Variants in GLI2 observed in about 807,000 individuals in gnomAD.
GLI2 encodes GLI family zinc finger 2.
GLI2 carries 22 observed loss-of-function variants against 78.9 expected under a neutral mutation model. The ratio of observed to expected loss-of-function variants is 0.28; its 90% CI spans 0.20 to 0.40. The LOEUF is 0.40. Ranked by LOEUF, GLI2 falls within the 10% of genes least tolerant of loss-of-function variation. GLI2 has a pLI of 1.00. For missense variants in GLI2, 2,097 were observed against 2,213.2 expected (o/e 0.95, Z 1.05); for synonymous variants, 974 against 963.7 (o/e 1.01, Z -0.20).
At chr2:120,744,323 G>C (rs1682637958) in intron 1 of GLI2, among the ~76,000 whole-genome samples, 1 of 152,228 alleles carries the variant, frequency 6.6e-6, no homozygotes, top group South Asian at 2.1e-4. Context: ...GGCCCTCGCT[G>C]TCTGTGGAGA....
At chr2:120,747,041 T>C (rs1027174427) in intron 1 of GLI2, among the ~76,000 whole-genome samples, 1 of 152,252 alleles carries the variant, frequency 6.6e-6, no homozygotes, top group Non-Finnish European at 1.5e-5. Context: ...TTTGTTATTA[T>C]AGATAATACT....
At position 120,990,749 on chromosome 2, in the gene GLI2, TG is replaced by T; in HGVS notation, c.*75del. The T allele has an allele frequency of 7.5e-7, 1 of 1,326,830 alleles. No homozygotes were observed. The allele number at this position is 1,326,830 out of a possible 1,614,324, so 82.2% of individuals were successfully genotyped here. A position where few individuals can be genotyped will look rare whatever the true frequency, so the allele number is the denominator to read the frequency against. Reference sequence around the variant, plus strand: ...CAGAGCCTGGGGATTCCAGCTGTCTTGTCTTTTTCCAAAAAAGTGTTAAATA... The same window carrying T: ...CAGAGCCTGGGGATTCCAGCTGTCTTTCTTTTTCCAAAAAAGTGTTAAATA... On this transcript the variant is annotated 3_prime_UTR_variant, in exon 14 of 14. Transcript: ENST00000361492.
In GLI2 at chr2:120,984,795, CA is replaced by C. The variant is rs756023305; in HGVS notation, c.1905+53del. On this transcript the variant is annotated intron_variant, in intron 12 of 13. Coordinates refer to ENST00000361492, the MANE Select transcript of GLI2 (RefSeq NM_001374353.1). ...CGCAAGGCGACTCCATAGCCGTGCCCAGGGCCACCCCTTGCCACGGTTGCGG... is the reference window on the plus strand; with the variant it reads ...CGCAAGGCGACTCCATAGCCGTGCCCGGGCCACCCCTTGCCACGGTTGCGG... 9 of 1,588,244 alleles carry C rather than the reference CA, an allele frequency of 5.7e-6. No individual in the cohort carries two copies. The Admixed American group carries it at 1.5e-4, about 27-fold the overall frequency.
intron 3 of GLI2, among the ~76,000 whole-genome samples, chr2:120,928,836 A>G (rs927503792): frequency 3.9e-5 from 6 of 152,256 alleles, no homozygotes; most frequent in African/African-American, 1.4e-4. Flanking sequence ...TTTCTTGTAT[A>G]TGCTTCACGC....
intron 5 of GLI2, among the ~76,000 whole-genome samples, chr2:120,959,868 C>T (rs1681460142): frequency 6.6e-6 from 1 of 152,194 alleles, no homozygotes; most frequent in Admixed American, 6.5e-5. Flanking sequence ...TCCCTGGCGC[C>T]AGCAGTGCAG....
intron 2 of GLI2, among the ~76,000 whole-genome samples, chr2:120,859,242 T>C (rs1558838356): frequency 6.6e-6 from 1 of 152,144 alleles, no homozygotes; most frequent in Non-Finnish European, 1.5e-5. Flanking sequence ...AGATCACACA[T>C]TGAGTTGATG....
intron 2 of GLI2, among the ~76,000 whole-genome samples, chr2:120,882,604 G>T (rs1410718493): frequency 6.6e-6 from 1 of 152,236 alleles, no homozygotes; most frequent in East Asian, 1.9e-4. Flanking sequence ...GAGCGCGGGT[G>T]TCTGGGCCCA....
intron 2 of GLI2, among the ~76,000 whole-genome samples, chr2:120,809,715 C>T (rs1361164787): frequency 6.6e-6 from 1 of 152,122 alleles, no homozygotes; most frequent in Non-Finnish European, 1.5e-5. Flanking sequence ...CTTCCCCTGG[C>T]CAATGAGCAG....
intron 2 of GLI2, 54 bp downstream of exon 2, chr2:120,797,522 GT>G: frequency 6.4e-7 from 1 of 1,552,346 alleles, no homozygotes; most frequent in Non-Finnish European, 8.9e-7. Context: ...TCATTAGCCC[GT>G]TAGGATTTAA....
intron 2 of GLI2, among the ~76,000 whole-genome samples, chr2:120,906,333 G>A (rs1573575628): frequency 6.6e-6 from 1 of 152,184 alleles, no homozygotes; most frequent in African/African-American, 2.4e-5. Flanking sequence ...CAGGGGTGCT[G>A]GGTGCAGACC....
chr2:120,926,060 G>A (rs182960109), intron 2 of GLI2, among the ~76,000 whole-genome samples: 5,006 of 103,082 alleles, frequency 0.049, 280 homozygotes, highest in African/African-American at 0.17. Flanking sequence ...GTGACAGAGC[G>A]AGACTCCGTC....
chr2:120,781,108 T>C (rs1414827945), intron 1 of GLI2, among the ~76,000 whole-genome samples: 1 of 152,212 alleles, frequency 6.6e-6, no homozygotes, highest in Non-Finnish European at 1.5e-5. Context: ...ACACAAGCTG[T>C]CCCTGCTTCT....
At chr2:120,875,991 G>A (rs1688717792) in intron 2 of GLI2, among the ~76,000 whole-genome samples, 1 of 152,182 alleles carries the variant, frequency 6.6e-6, no homozygotes, top group Non-Finnish European at 1.5e-5. Context: ...AGTAGGCAGT[G>A]CTGAGACAAT....
rs542773051 is a variant in GLI2 at position 120,960,260 on chromosome 2, G to A, written c.643+4830G>A. Among the ~76,000 whole-genome samples, 3 of 152,284 alleles carry A rather than the reference G, an allele frequency of 2.0e-5. No homozygotes were observed. In the East Asian group the frequency reaches 5.8e-4, roughly 30 times the overall value. The stretch of plus-strand genomic sequence containing the variant: ...CCGACCTGACGCCCCTCATACCCCA[G>A]CCTCCTTTCTCAGCACCTTCATTCA... On this transcript the variant is annotated intron_variant, in intron 5 of 13. Transcript: ENST00000361492.
intron 1 of GLI2, among the ~76,000 whole-genome samples, chr2:120,760,649 G>A (rs1365905898): frequency 6.6e-6 from 1 of 152,194 alleles, no homozygotes; most frequent in Non-Finnish European, 1.5e-5. Flanking sequence ...CATGCTTGGT[G>A]CCACTGAGCC....
At chr2:120,930,602 C>T (rs1679904707) in intron 3 of GLI2, among the ~76,000 whole-genome samples, 1 of 152,266 alleles carries the variant, frequency 6.6e-6, no homozygotes, top group Admixed American at 6.5e-5. Context: ...GAACCCCTGG[C>T]CAAGCAGCAG....
intron 4 of GLI2, among the ~76,000 whole-genome samples, chr2:120,955,016 C>G (rs1298242694): frequency 6.6e-6 from 1 of 152,062 alleles, no homozygotes; most frequent in East Asian, 1.9e-4. Context: ...GTACAGAGGT[C>G]GGGGTCTGGC....
At chr2:120,789,261 T>G (rs1573379627) in intron 1 of GLI2, among the ~76,000 whole-genome samples, 2 of 152,034 alleles carry the variant, frequency 1.3e-5, no homozygotes, top group African/African-American at 4.8e-5. Flanking sequence ...TGACCTCAGG[T>G]GATCCGCCCT....
In GLI2 at chr2:120,850,748, C is replaced by T. The variant is rs11890759; in HGVS notation, c.148+53280C>T. On this transcript the variant is annotated intron_variant, in intron 2 of 13. Coordinates refer to ENST00000361492, the MANE Select transcript of GLI2 (RefSeq NM_001374353.1). ...TGCAGCCCTGGTGCCTTTGGAGGAT[C>T]GGGAGCTGCTGTCATCACTGTGCGA... is the stretch of plus-strand genomic sequence containing the variant. Among the ~76,000 whole-genome samples, 1,333 of 152,212 alleles carry T rather than the reference C, an allele frequency of 8.8e-3. 19 individuals carry two copies. The highest frequency in any genetic ancestry group is 0.029 in the African/African-American group (1,206 of 41,516).
Sources: allele counts gnomAD v4.1 joint callset (sites outside exome capture counted in the v4.1 genomes callset), GRCh38; gene constraint gnomAD v4.1.1; transcripts MANE v1.5; gene names NCBI Gene and HGNC (gene_info 2026-07-23, HGNC 2026-07-21).